The following MGAM variants were observed in gnomAD, a reference collection of about 807,000 sequenced individuals.
The protein encoded by MGAM is maltase-glucoamylase.
Under a neutral mutation model 358.8 loss-of-function variants are expected in MGAM, and 253 were observed. The ratio of observed to expected loss-of-function variants is 0.71; its 90% confidence interval spans 0.64 to 0.78. MGAM has a LOEUF of 0.78. Ranked by LOEUF, MGAM falls within the 30% of genes least tolerant of loss-of-function variation. The probability of loss-of-function intolerance (pLI) is 0.00; values close to 1 mark genes in which losing one functional copy is unlikely to be tolerated. For synonymous variants in MGAM, 1,105 were observed against 1,227.1 expected (o/e 0.90, Z 2.08); for missense variants, 3,080 against 3,432.6 (o/e 0.90, Z 2.57).
chr7:142,063,401 C>A, intron 35 of MGAM, 98 bp from the exon 36 acceptor site: 1 of 1,406,678 alleles, frequency 7.1e-7, no homozygotes, highest in Non-Finnish European at 9.8e-7. Context: ...ACAGAGATTA[C>A]TGGATGTTGA....
At position 142,068,999 on chromosome 7, in the gene MGAM, T is replaced by C. The variant is rs1316877518; in HGVS notation, c.5061+296T>C. On this transcript the variant is annotated intron_variant, in intron 43 of 70. Coordinates refer to ENST00000475668, the MANE Select transcript of MGAM (RefSeq NM_001365693.1). ...TTCTTTATATCACTGCTATTTACAA[T>C]GTTGTGTAAAGGCAGATGCTAGCCA... Among the ~76,000 whole-genome samples the C allele has an allele frequency of 1.4e-5, 2 of 146,610 alleles. 1 individual carries two copies. Among genetic ancestry groups the C allele is most frequent in the Non-Finnish European group, 3.1e-5 (2 of 64,764 alleles).
rs561256323 is a variant in MGAM at position 142,040,969 on chromosome 7, T to A, written c.2498+123T>A. On this transcript the variant is annotated intron_variant, in intron 21 of 70. Coordinates refer to ENST00000475668, the MANE Select transcript of MGAM (RefSeq NM_001365693.1). The stretch of plus-strand genomic sequence containing the variant: ...TTTGGTTTGGCCACGACTGTTGCAG[T>A]TTTAGCACCAAAAGTCTCTTCCCTT... 17 of 1,171,600 alleles carry A rather than the reference T, an allele frequency of 1.5e-5. No individual in the cohort carries two copies. The East Asian group carries it at 4.0e-4, about 28-fold the overall frequency. 72.6% of individuals were successfully genotyped at this position (1,171,600 alleles called of 1,614,324 possible). A position where few individuals can be genotyped will look rare whatever the true frequency, so the allele number is the denominator to read the frequency against.
Position 142,044,981 on chromosome 7 carries a change from G to T in MGAM, c.2499-2804G>T, listed in dbSNP as rs1362471442. 3.1e-5 allele frequency among the ~76,000 whole-genome samples: 3 copies of T among 98,134 alleles called. No homozygotes were observed. In the East Asian group the frequency reaches 7.7e-4, roughly 25 times the overall value. 64.4% of individuals were successfully genotyped at this position (98,134 alleles called of 152,430 possible). A position where few individuals can be genotyped will look rare whatever the true frequency, so the allele number is the denominator to read the frequency against. On this transcript the variant is annotated intron_variant, in intron 21 of 70. Transcript: ENST00000475668. ...ACACGTGTAATATATGATATATAATGTATATTATATACACGTGTAATATAT... is the reference window on the plus strand; with the variant it reads ...ACACGTGTAATATATGATATATAATTTATATTATATACACGTGTAATATAT...
chr7:142,074,399 A>T (rs1462988764), intron 45 of MGAM, among the ~76,000 whole-genome samples: 1 of 141,266 alleles, frequency 7.1e-6, no homozygotes, highest in African/African-American at 2.6e-5. Flanking sequence ...TTCGCCAGTG[A>T]TACCTATAAT....
intron 3 of MGAM, among the ~76,000 whole-genome samples, chr7:142,014,153 C>A (rs572480521): frequency 6.6e-6 from 1 of 152,232 alleles, no homozygotes; most frequent in Non-Finnish European, 1.5e-5. Flanking sequence ...CTGAATTTTC[C>A]AGGTGATTCT....
chr7:142,087,161 C>CTT, intron 57 of MGAM, among the ~76,000 whole-genome samples: 1 of 141,238 alleles, frequency 7.1e-6, no homozygotes, highest in East Asian at 2.1e-4. Context: ...TTTGGTGTAT[C>CTT]TTTTTTTTTT....
intron 63 of MGAM, among the ~76,000 whole-genome samples, chr7:142,095,339 T>TA (rs1200536351): frequency 6.6e-6 from 1 of 152,194 alleles, no homozygotes; most frequent in Non-Finnish European, 1.5e-5. Context: ...GGCAGAATTG[T>TA]AAAAAATATA....
intron 68 of MGAM, 66 bp from the exon 69 acceptor site, chr7:142,102,564 A>G (rs1816529515): frequency 1.4e-6 from 2 of 1,433,874 alleles, no homozygotes; most frequent in Non-Finnish European, 1.9e-6. Flanking sequence ...CAGCATTTAT[A>G]TATTCTATAG....
At chr7:142,060,415 A>G (rs1812045707) in intron 34 of MGAM, 42 bp downstream of exon 34, 2 of 1,599,834 alleles carry the variant, frequency 1.3e-6, no homozygotes, top group African/African-American at 2.7e-5. Flanking sequence ...CAGGGTTTGT[A>G]GGCAGGGGCA....
At chr7:142,075,060 C>T (rs2129049447) in intron 45 of MGAM, among the ~76,000 whole-genome samples, 1 of 146,318 alleles carries the variant, frequency 6.8e-6, no homozygotes, top group East Asian at 2.0e-4. Flanking sequence ...AAGAGATGAA[C>T]TTTTTTAGAT....
At chr7:142,041,619 T>A (rs1808554826) in intron 21 of MGAM, among the ~76,000 whole-genome samples, 2 of 151,530 alleles carry the variant, frequency 1.3e-5, no homozygotes, top group Admixed American at 1.3e-4. Context: ...TCACGTTACT[T>A]TAACAACTCT....
In MGAM at chr7:142,066,708, C is replaced by A; in HGVS notation, c.4906C>A (p.Pro1636Thr). Residue 1636 changes from proline (P) to threonine (T), a missense_variant, in exon 41 of 71, where the codon CCT (proline) becomes ACT (threonine). Coordinates refer to ENST00000475668, the MANE Select transcript of MGAM (RefSeq NM_001365693.1). ...CACGGAGGGCGTCACTGTTGTGCGG[C>A]CTCTGCTCCATGAGTGAGTGTCCAG... is the stretch of plus-strand genomic sequence containing the variant. ...AHTEGVTVVR[P>T]LLHEFVSDQV... The A allele has an allele frequency of 6.4e-7, 1 of 1,555,268 alleles. No homozygotes were observed. Among genetic ancestry groups the A allele is most frequent in the South Asian group, 1.1e-5 (1 of 88,992 alleles).
chr7:142,062,731 G>C, intron 35 of MGAM, 29 bp downstream of exon 35: 1 of 1,611,744 alleles, frequency 6.2e-7, no homozygotes, highest in Non-Finnish European at 8.5e-7. Flanking sequence ...CTGTGTACCA[G>C]TGGCTCTTGT....
At position 142,078,460 on chromosome 7, in the gene MGAM, G is replaced by C. The variant is rs775449940; in HGVS notation, c.5636G>C (p.Cys1879Ser). The C allele has an allele frequency of 1.3e-6, 2 of 1,543,072 alleles. No individual in the cohort carries two copies. Among genetic ancestry groups the C allele is most frequent in the Non-Finnish European group, 1.8e-6 (2 of 1,125,872 alleles). The change falls in exon 48 of 71, where the codon TGT becomes TCT. Residue 1879 changes from cysteine to serine, a missense_variant. Transcript: ENST00000475668. ...GCAGAAAACTGCACTGCCCGTGGCT[G>C]TATCTGGGAGGTAACCATGCTGATG... is the stretch of plus-strand genomic sequence containing the variant. ...DSAENCTARG[C>S]IWEASNSSGV...
chr7:142,034,730 G>A lies in MGAM; in HGVS notation c.1848G>A (p.Ala616=), dbSNP rs376045291. 2.9e-5 allele frequency: 46 copies of A among 1,613,406 alleles called. No homozygotes were observed. In the East Asian group the frequency reaches 5.1e-4, roughly 18 times the overall value. ...RSFILTRSTF[A]GSGKFAAHWL... ...TCATTCTGACCCGTTCTACCTTTGC[G>A]GGCTCTGGCAAGTTTGCAGCACATT... is the stretch of plus-strand genomic sequence containing the variant. The change falls in exon 16 of 71, where the codon GCG becomes GCA. Residue 616 remains alanine (A), a synonymous_variant. Transcript: ENST00000475668.
intron 1 of MGAM, among the ~76,000 whole-genome samples, 194 bp from the exon 2 acceptor site, chr7:142,005,335 G>A (rs150183073): frequency 7.2e-5 from 11 of 152,132 alleles, no homozygotes; most frequent in African/African-American, 1.9e-4. Flanking sequence ...TAATTCAGGG[G>A]TAGGGAGAAA....
chr7:142,038,303 T>A (rs1179575172), intron 18 of MGAM, among the ~76,000 whole-genome samples: 1 of 152,202 alleles, frequency 6.6e-6, no homozygotes, highest in Non-Finnish European at 1.5e-5. Context: ...GCATACATAC[T>A]GGAATAGAAA....
chr7:142,040,990 C>T (rs1355306302), intron 21 of MGAM, 144 bp downstream of exon 21: 7 of 988,802 alleles, frequency 7.1e-6, no homozygotes, highest in African/African-American at 5.1e-5. Context: ...AAAGTCTCTT[C>T]CCTTGGGAGG....
At chr7:142,008,001 T>C (rs1165576141) in intron 2 of MGAM, among the ~76,000 whole-genome samples, 1 of 152,182 alleles carries the variant, frequency 6.6e-6, no homozygotes, top group Non-Finnish European at 1.5e-5. Context: ...AAGGACCAGA[T>C]AGTAAATATT....
Sources: allele counts gnomAD v4.1 joint callset (sites outside exome capture counted in the v4.1 genomes callset), GRCh38; gene constraint gnomAD v4.1.1; transcripts MANE v1.5; gene names NCBI Gene and HGNC (gene_info 2026-07-23, HGNC 2026-07-21).